PDCD2: variants seen among roughly 807,000 people sequenced by gnomAD.
PDCD2 encodes programmed cell death 2.
Under a neutral mutation model 38.1 loss-of-function variants are expected in PDCD2, and 38 were observed. The ratio of observed to expected loss-of-function variants is 1.00; its 90% CI spans 0.77 to 1.31. PDCD2 has a LOEUF of 1.31. PDCD2 is among the 50% of genes most tolerant of loss of function. The pLI is 0.00. For synonymous variants in PDCD2, 205 were observed against 168.9 expected, an observed-to-expected ratio of 1.21 and a Z score of -1.66; for missense variants, 473 against 435.7, an observed-to-expected ratio of 1.09 and a Z score of -0.76.
Position 170,584,604 on chromosome 6 carries a change from G to A in PDCD2, c.-23C>T, listed in dbSNP as rs1779762635. The A allele has an allele frequency of 1.6e-6, 2 of 1,231,604 alleles. No individual in the cohort carries two copies. Among genetic ancestry groups the A allele is most frequent in the Non-Finnish European group, 2.0e-6 (2 of 978,430 alleles). 76.3% of individuals were successfully genotyped at this position (1,231,604 alleles called of 1,614,324 possible). ...CATGCGGGGCGCGGGCTGGCGTGGG[G>A]CGCAGCCCACAGCTGGGTCGGAAGG... On this transcript the variant is annotated 5_prime_UTR_variant, in exon 1 of 6. Transcript: ENST00000541970.
In PDCD2 at chr6:170,582,957, G is replaced by C. The variant is rs142807549; in HGVS notation, c.658+100C>G. 5.4e-4 allele frequency: 824 copies of C among 1,515,432 alleles called. 4 individuals carry two copies. The African/African-American group carries it at 9.8e-3, about 18-fold the overall frequency. 93.9% of individuals were successfully genotyped at this position (1,515,432 alleles called of 1,614,324 possible). On this transcript the variant is annotated intron_variant, in intron 3 of 5. Coordinates refer to ENST00000541970, the MANE Select transcript of PDCD2 (RefSeq NM_002598.4). ...AAAATTGTATGCTACAGCCTCCAAA[G>C]TGAGTCTTCCTCTCAGTACCTCTCT...
rs1779635151 is a variant in PDCD2, at chr6:170,582,354, G to A, written c.658+703C>T. The A allele has an allele frequency of 2.6e-6, 4 of 1,532,112 alleles. No individual in the cohort carries two copies. The South Asian group carries it at 3.6e-5, about 14-fold the overall frequency. 94.9% of individuals were successfully genotyped at this position (1,532,112 alleles called of 1,614,324 possible). On this transcript the variant is annotated intron_variant, in intron 3 of 5. Coordinates refer to ENST00000541970, the MANE Select transcript of PDCD2 (RefSeq NM_002598.4). ...GGTATGAACTACAAACCAGTAAGCT[G>A]ATGTTTTCATTTTGAGTCTATAAAT...
At chr6:170,581,598 G>A (rs189568506) in intron 3 of PDCD2, 1 of 154,098 alleles carries the variant, frequency 6.5e-6, no homozygotes, top group East Asian at 1.9e-4. Flanking sequence ...AGAGCCTGGA[G>A]TTCCTTTTAG....
chr6:170,579,036 G>C, intron 4 of PDCD2, 66 bp from the exon 5 acceptor site: 1 of 930,660 alleles, frequency 1.1e-6, no homozygotes. Flanking sequence ...ATGGTAACAT[G>C]CTATCTACTC....
chr6:170,583,294 ATAAAGGGTCATAAAT>A lies in PDCD2; in HGVS notation c.527-121_527-107del. 4 of 923,204 alleles carry A rather than the reference ATAAAGGGTCATAAAT, an allele frequency of 4.3e-6. No homozygotes were observed. The South Asian group carries it at 6.8e-5, about 16-fold the overall frequency. 57.2% of individuals were successfully genotyped at this position (923,204 alleles called of 1,614,324 possible). ...ATTCCCTATAGTTCTGGCATTTTAG[ATAAAGGGTCATAAAT>A]TAAATGCCTATATGGTGACATTATT... On this transcript the variant is annotated intron_variant, in intron 2 of 5. Coordinates refer to ENST00000541970, the MANE Select transcript of PDCD2 (RefSeq NM_002598.4).
chr6:170,578,671 AAAAC>A (rs1466576226), intron 5 of PDCD2, 182 bp downstream of exon 5: 4 of 704,530 alleles, frequency 5.7e-6, no homozygotes, highest in African/African-American at 5.2e-5. Context: ...GAAACAGAAA[AAAAC>A]AAGACAGTTC....
intron 3 of PDCD2, among the ~76,000 whole-genome samples, chr6:170,580,641 G>A (rs537996775): frequency 6.6e-6 from 1 of 152,186 alleles, no homozygotes; most frequent in Admixed American, 6.5e-5. Context: ...CTTGAACCTG[G>A]GAGGCAGAGG....
At position 170,584,353 on chromosome 6, in the gene PDCD2, G is replaced by A. The variant is rs1779737341; in HGVS notation, c.229C>T (p.Arg77Cys). 2.7e-6 allele frequency: 4 copies of A among 1,497,096 alleles called. No homozygotes were observed. Among genetic ancestry groups the A allele is most frequent in the East Asian group, 2.7e-5 (1 of 37,006 alleles). 92.7% of individuals were successfully genotyped at this position (1,497,096 alleles called of 1,614,324 possible). A position where few individuals can be genotyped will look rare whatever the true frequency, so the allele number is the denominator to read the frequency against. The change falls in exon 1 of 6, where the codon CGC becomes TGC. Residue 77 changes from arginine to cysteine, a missense_variant. Arg to Cys is a radical substitution (Grantham distance 180). Coordinates refer to ENST00000541970, the MANE Select transcript of PDCD2 (RefSeq NM_002598.4). ...PLPGRPDAFH[R>C]CIFLFCCREQ... ...CGGCAGCAGAAGAGGAAGATGCAGC[G>A]GTGGAAGGCGTCCGGGCGGCCAGGC...
intron 3 of PDCD2, chr6:170,582,843 C>T (rs890610146): frequency 3.7e-6 from 5 of 1,353,784 alleles, no homozygotes; most frequent in African/African-American, 1.5e-5. Context: ...TCTGGATACC[C>T]ACCCTTGTCT....
intron 3 of PDCD2, among the ~76,000 whole-genome samples, chr6:170,580,613 G>T (rs1470651354): frequency 6.6e-6 from 1 of 152,168 alleles, no homozygotes; most frequent in South Asian, 2.1e-4. Context: ...TACTCGGGAG[G>T]CTGAGGCAGG....
chr6:170,580,771 T>C (rs1013581357), intron 3 of PDCD2, among the ~76,000 whole-genome samples: 3 of 152,186 alleles, frequency 2.0e-5, no homozygotes, highest in Non-Finnish European at 4.4e-5. Context: ...ACAGCCACCC[T>C]AAGCCACTGC....
At position 170,577,631 on chromosome 6, in the gene PDCD2, A is replaced by G. The variant is rs1420445199; in HGVS notation, c.963T>C (p.Ala321=). 2 of 1,613,964 alleles carry G rather than the reference A, an allele frequency of 1.2e-6. No individual in the cohort carries two copies. The highest frequency in any genetic ancestry group is 1.1e-5 in the South Asian group (1 of 91,082). The part of the protein sequence containing the change: ...DWGILAVFTC[A]ESCSLGTGYT... ...AGCCAGTACCCAAGCTGCAGCTCTCAGCACAGGTGAAGACAGCCAGGATGC... is the reference window on the plus strand; with the variant it reads ...AGCCAGTACCCAAGCTGCAGCTCTCGGCACAGGTGAAGACAGCCAGGATGC... Residue 321 remains alanine, a synonymous_variant, in exon 6 of 6, where the codon GCT becomes GCC. Coordinates refer to ENST00000541970, the MANE Select transcript of PDCD2 (RefSeq NM_002598.4).
intron 3 of PDCD2, chr6:170,582,136 G>C: frequency 1.3e-6 from 2 of 1,532,972 alleles, no homozygotes; most frequent in Non-Finnish European, 1.7e-6. Context: ...GTGATGTCAC[G>C]TGTTCCCATG....
intron 2 of PDCD2, 120 bp downstream of exon 2, chr6:170,583,385 G>C: frequency 8.7e-7 from 1 of 1,144,952 alleles, no homozygotes; most frequent in African/African-American, 1.6e-5. Context: ...AGGTGTTCCA[G>C]GCATGAAAAA....
chr6:170,584,477 C>G lies in PDCD2; in HGVS notation c.105G>C (p.Pro35=). 7.6e-7 allele frequency: 1 copy of G among 1,313,974 alleles called. No homozygotes were observed. The highest frequency in any genetic ancestry group is 9.6e-7 in the Non-Finnish European group (1 of 1,039,452). The allele number at this position is 1,313,974 out of a possible 1,614,324, so 81.4% of individuals were successfully genotyped here. The change falls in exon 1 of 6, where the codon CCG becomes CCC. Residue 35 remains proline (P), a synonymous_variant. Coordinates refer to ENST00000541970, the MANE Select transcript of PDCD2 (RefSeq NM_002598.4). ...EQFPSKVGGR[P]AWLGAAGLPG... is the part of the protein sequence containing the mutation. ...GCAGCCCGGCCGCGCCCAGCCATGC[C>G]GGCCGCCCGCCCACCTTGCTGGGGA...
Position 170,577,471 on chromosome 6 carries a change from G to A in PDCD2, c.*88C>T, listed in dbSNP as rs1583138292. The A allele has an allele frequency of 9.0e-7, 1 of 1,111,032 alleles. No homozygotes were observed. Among genetic ancestry groups the A allele is most frequent in the East Asian group, 2.5e-5 (1 of 39,250 alleles). The allele number at this position is 1,111,032 out of a possible 1,614,324, so 68.8% of individuals were successfully genotyped here. On this transcript the variant is annotated 3_prime_UTR_variant, in exon 6 of 6. Coordinates refer to ENST00000541970, the MANE Select transcript of PDCD2 (RefSeq NM_002598.4). ...CAACATCTCTGCACCTCTATTTTTG[G>A]TATAAGTATTTCCTTAGGATAAAAT... is the stretch of plus-strand genomic sequence containing the variant.
intron 3 of PDCD2, 40 bp downstream of exon 3, chr6:170,583,017 T>G: frequency 6.3e-7 from 1 of 1,593,520 alleles, no homozygotes; most frequent in Admixed American, 1.8e-5. Flanking sequence ...CCAAGTATTA[T>G]GTTTAACCAC....
rs751639051 is a variant in PDCD2, at chr6:170,584,254, C to T, written c.283+45G>A. On this transcript the variant is annotated intron_variant, in intron 1 of 5. Coordinates refer to ENST00000541970, the MANE Select transcript of PDCD2 (RefSeq NM_002598.4). ...TCGCTCCCGGAATTAACGCCGCGCA[C>T]GCGTCGGAGGCATGGCCCCGTCCCG... 7 of 1,351,588 alleles carry T rather than the reference C, an allele frequency of 5.2e-6. No individual in the cohort carries two copies. The South Asian group carries it at 1.2e-4, about 23-fold the overall frequency. The allele number at this position is 1,351,588 out of a possible 1,614,324, so 83.7% of individuals were successfully genotyped here. A position where few individuals can be genotyped will look rare whatever the true frequency, so the allele number is the denominator to read the frequency against.
intron 4 of PDCD2, chr6:170,579,584 G>C (rs1779537840): frequency 6.4e-6 from 1 of 156,380 alleles, no homozygotes; most frequent in East Asian, 1.9e-4. Flanking sequence ...TATGGTAGGG[G>C]AGGTTAAGGA....
Sources: gnomAD v4.1 joint callset for allele counts (sites outside exome capture counted in the v4.1 genomes callset) on GRCh38, gnomAD v4.1.1 for gene constraint, MANE v1.5 for transcripts, NCBI Gene and HGNC (gene_info 2026-07-23, HGNC 2026-07-21) for gene names.